The following USP28 variants were observed in gnomAD, a reference collection of about 807,000 sequenced individuals.
The protein encoded by USP28 is ubiquitin specific peptidase 28, also known as ubiquitin carboxyl-terminal hydrolase 28.
A neutral mutation model predicts 145.0 loss-of-function variants in USP28; 113 were observed. That is an observed-to-expected ratio of 0.78 (90% CI 0.67 to 0.91). The LOEUF is 0.91. Among genes scored for constraint, USP28 ranks in the 40% least tolerant of loss-of-function variants. The probability of loss-of-function intolerance (pLI) is 0.00; values close to 1 mark genes in which losing one functional copy is unlikely to be tolerated. For missense variants in USP28, 1,201 were observed against 1,289.6 expected (o/e 0.93, Z 1.05); for synonymous variants, 447 against 450.9 (o/e 0.99, Z 0.11).
chr11:113,847,436 C>T (rs891704345), intron 3 of USP28, among the ~76,000 whole-genome samples: 2 of 109,908 alleles, frequency 1.8e-5, no homozygotes, highest in African/African-American at 7.5e-5. Context: ...TATTAAGCTG[C>T]AAGAAACGGG....
At chr11:113,821,674 A>G in intron 12 of USP28, 1 of 196,434 alleles carries the variant, frequency 5.1e-6, no homozygotes, top group Non-Finnish European at 1.1e-5. Flanking sequence ...GGGGTCTTCC[A>G]AGTGCCATGC....
intron 3 of USP28, among the ~76,000 whole-genome samples, chr11:113,850,611 G>C (rs1340337843): frequency 6.6e-6 from 1 of 152,192 alleles, no homozygotes; most frequent in African/African-American, 2.4e-5. Context: ...GAAGGTTCCA[G>C]AAGGTTCTCC....
rs1394459601 is a variant in USP28 at position 113,867,024 on chromosome 11, C to T, written c.57+8421G>A. ...ATCTCAAAAACATTACAATAAACGA[C>T]AGATGCCACACATAATAGGTCACAT... is the stretch of plus-strand genomic sequence containing the variant. On this transcript the variant is annotated intron_variant, in intron 1 of 24. Transcript: ENST00000003302. Among the ~76,000 whole-genome samples the T allele has an allele frequency of 3.9e-5, 6 of 152,104 alleles. No individual in the cohort carries two copies. The East Asian group carries it at 1.2e-3, about 29-fold the overall frequency.
rs570243244 is a variant in USP28 at position 113,873,893 on chromosome 11, A to T, written c.57+1552T>A. On this transcript the variant is annotated intron_variant, in intron 1 of 24. Coordinates refer to ENST00000003302, the Ensembl canonical transcript of USP28. Reference sequence around the variant, plus strand: ...CGCCCTGGTTCACGCCTGTAATCCCAGCACTTTGGGAGGCCGAGGCGGGCG... The same window carrying T: ...CGCCCTGGTTCACGCCTGTAATCCCTGCACTTTGGGAGGCCGAGGCGGGCG... Among the ~76,000 whole-genome samples, 10 of 152,314 alleles carry T rather than the reference A, an allele frequency of 6.6e-5. No homozygotes were observed. In the South Asian group the frequency reaches 1.9e-3, roughly 28 times the overall value.
chr11:113,806,148 C>T (rs1009981171), intron 19 of USP28, among the ~76,000 whole-genome samples: 8 of 151,836 alleles, frequency 5.3e-5, no homozygotes, highest in African/African-American at 1.9e-4. Context: ...TATGTTGACC[C>T]GGCTGGTTTT....
chr11:113,830,732 C>A, intron 9 of USP28, 135 bp downstream of exon 9: 1 of 698,630 alleles, frequency 1.4e-6, no homozygotes, highest in Admixed American at 2.8e-5. Context: ...AAACAGATAC[C>A]AAGAGGCAGA....
At chr11:113,822,866 T>C (rs1314004978) in intron 12 of USP28, among the ~76,000 whole-genome samples, 2 of 152,144 alleles carry the variant, frequency 1.3e-5, no homozygotes, top group Non-Finnish European at 2.9e-5. Flanking sequence ...GCAGGGTCCA[T>C]CTTAGGCCTG....
chr11:113,821,708 T>G (rs1194102287), intron 12 of USP28: 1 of 197,746 alleles, frequency 5.1e-6, no homozygotes, highest in East Asian at 1.2e-4. Flanking sequence ...CCTCTTTCTT[T>G]GGAGGTTCTG....
chr11:113,861,896 TAAC>T (rs1176456782), intron 1 of USP28, among the ~76,000 whole-genome samples: 1 of 152,248 alleles, frequency 6.6e-6, no homozygotes, highest in Non-Finnish European at 1.5e-5. Flanking sequence ...ATACAATTTT[TAAC>T]AACATATTGG....
intron 11 of USP28, 141 bp downstream of exon 11, chr11:113,827,092 G>A: frequency 9.7e-7 from 1 of 1,026,304 alleles, no homozygotes; most frequent in Middle Eastern, 3.4e-4. Flanking sequence ...AAAAGGCAAA[G>A]ACCCTCAACC....
intron 11 of USP28, among the ~76,000 whole-genome samples, chr11:113,824,747 G>A (rs61907861): frequency 0.51 from 76,226 of 150,802 alleles, 20,516 homozygotes; most frequent in Non-Finnish European, 0.6. Context: ...CCTGACCAAC[G>A]TGGGAGAAAC....
intron 7 of USP28, among the ~76,000 whole-genome samples, chr11:113,832,352 C>G (rs1390769067): frequency 6.6e-6 from 1 of 152,134 alleles, no homozygotes; most frequent in Non-Finnish European, 1.5e-5. Flanking sequence ...TCAAATGATC[C>G]ACCTGCCTCG....
intron 1 of USP28, among the ~76,000 whole-genome samples, chr11:113,864,146 C>T (rs564167590): frequency 6.6e-5 from 10 of 151,960 alleles, no homozygotes; most frequent in South Asian, 4.2e-4. Flanking sequence ...GAGGCTGAGG[C>T]GGGAGAATCC....
At chr11:113,852,371 A>T in intron 3 of USP28, 130 bp downstream of exon 3, 1 of 1,269,168 alleles carries the variant, frequency 7.9e-7, no homozygotes, top group East Asian at 2.3e-5. Context: ...ACATAGCAAT[A>T]GCTCAGTAAT....
Position 113,874,423 on chromosome 11 carries a change from GAAAAAAAAAAAAAAA to G in USP28, c.57+1007_57+1021del, listed in dbSNP as rs778295743. 3.9e-4 allele frequency: 161 copies of G among 414,072 alleles called. No individual in the cohort carries two copies. In the African/African-American group the frequency reaches 9.3e-3, roughly 24 times the overall value. The allele number at this position is 414,072 out of a possible 1,614,324, so 25.6% of individuals were successfully genotyped here. A position where few individuals can be genotyped will look rare whatever the true frequency, so the allele number is the denominator to read the frequency against. On this transcript the variant is annotated intron_variant, in intron 1 of 24. Coordinates refer to ENST00000003302, the Ensembl canonical transcript of USP28. ...CTAGGCAACAGAGGGAGACTCTGTC[GAAAAAAAAAAAAAAA>G]AAAAAAAAAAAGTGTCTCCATGCTA...
At chr11:113,807,833 G>C (rs1940275574) in intron 18 of USP28, 118 bp downstream of exon 19, 1 of 680,406 alleles carries the variant, frequency 1.5e-6, no homozygotes, top group Non-Finnish European at 1.8e-6. Flanking sequence ...AGGCTTTCTT[G>C]ACAATCATTT....
chr11:113,862,922 A>G (rs1947846450), intron 1 of USP28, among the ~76,000 whole-genome samples: 1 of 152,196 alleles, frequency 6.6e-6, no homozygotes, highest in African/African-American at 2.4e-5. Context: ...AAAAACCAAG[A>G]GTTAAGATCA....
At chr11:113,801,812 T>C (rs1939078984) in intron 23 of USP28, 134 bp from the exon 25 acceptor site, 1 of 644,420 alleles carries the variant, frequency 1.6e-6, no homozygotes, top group African/African-American at 1.8e-5. Context: ...AAACTACTGA[T>C]GCCTGGTTCC....
chr11:113,810,544 TATTC>T (rs1940807126), intron 16 of USP28, among the ~76,000 whole-genome samples: 1 of 152,242 alleles, frequency 6.6e-6, no homozygotes, highest in African/African-American at 2.4e-5. Context: ...TTCAAGCAGC[TATTC>T]ATTCCTTCGC....
Sources: gnomAD v4.1 joint callset for allele counts (sites outside exome capture counted in the v4.1 genomes callset) on GRCh38, gnomAD v4.1.1 for gene constraint, MANE v1.5 for transcripts, NCBI Gene and HGNC (gene_info 2026-07-23, HGNC 2026-07-21) for gene names.